USP5: variants seen among roughly 807,000 people sequenced by gnomAD.
USP5 encodes the protein ubiquitin specific peptidase 5.
A neutral mutation model predicts 102.5 loss-of-function variants in USP5; 24 were observed. The observed-to-expected ratio is 0.23, with a 90% CI of 0.17 to 0.33. USP5 has a LOEUF of 0.33. USP5 is among the 10% of genes least tolerant of loss of function. USP5 has a pLI of 1.00. For missense variants in USP5, 753 were observed against 1,122.1 expected, an observed-to-expected ratio of 0.67 and a Z score of 4.70; for synonymous variants, 460 against 434.8, an observed-to-expected ratio of 1.06 and a Z score of -0.72.
rs1217647962 is a variant in USP5, at chr12:6,865,012, G to A, written c.2398+137G>A. Reference sequence around the variant, plus strand: ...CCTCAACGTGGCATCTGAGGGTGGGGTTCTCTGACATGGAGACAGGCTCTG... The same window carrying A: ...CCTCAACGTGGCATCTGAGGGTGGGATTCTCTGACATGGAGACAGGCTCTG... On this transcript the variant is annotated intron_variant, in intron 18 of 19. Coordinates refer to ENST00000229268, the MANE Select transcript of USP5 (RefSeq NM_001098536.2). The A allele has an allele frequency of 2.9e-6, 4 of 1,362,414 alleles. No homozygotes were observed. The African/African-American group carries it at 4.3e-5, about 15-fold the overall frequency. The allele number at this position is 1,362,414 out of a possible 1,614,324, so 84.4% of individuals were successfully genotyped here.
rs1944111827 is a variant in USP5, at chr12:6,856,343, A to G, written c.477A>G (p.Ser159=). 6.2e-7 allele frequency: 1 copy of G among 1,613,802 alleles called. No homozygotes were observed. Among genetic ancestry groups the G allele is most frequent in the African/African-American group, 1.3e-5 (1 of 74,880 alleles). ...TGGAGGCCCTACTGTCGGCCGACTCAGCCTCCCGCAAGCAGGAGGTGCAGG... is the reference window on the plus strand; with the variant it reads ...TGGAGGCCCTACTGTCGGCCGACTCGGCCTCCCGCAAGCAGGAGGTGCAGG... ...SAVEALLSAD[S]ASRKQEVQAW... The change falls in exon 5 of 20, where the codon TCA becomes TCG. Residue 159 remains serine, a synonymous_variant. Transcript: ENST00000229268. This position sits in a 1 kb window ranked among gnomAD's most constrained non-coding sequence, Gnocchi z 5.6.
Position 6,865,148 on chromosome 12 carries a change from C to G in USP5, c.2399-16C>G. 1 of 1,605,112 alleles carries G rather than the reference C, an allele frequency of 6.2e-7. No homozygotes were observed. The highest frequency in any genetic ancestry group is 1.7e-5 in the Admixed American group (1 of 59,956). ...CTCTTCTGTTTCCTTCTCTGACCCC[C>G]TCTCTCCTTTCCTAGAGTATCAGCT... On this transcript the variant is annotated splice_polypyrimidine_tract_variant and intron_variant, in intron 18 of 19. Coordinates refer to ENST00000229268, the MANE Select transcript of USP5 (RefSeq NM_001098536.2).
At position 6,863,238 on chromosome 12, in the gene USP5, A is replaced by G; in HGVS notation, c.1815A>G (p.Thr605=). The part of the protein sequence containing the change: ...EELDISQLRG[T]GLQPGEEELP... Reference sequence around the variant, plus strand: ...TCGACATCTCCCAGTTGAGGGGCACAGGGCTGCAGCCCGGAGAGGAGGAGC... The same window carrying G: ...TCGACATCTCCCAGTTGAGGGGCACGGGGCTGCAGCCCGGAGAGGAGGAGC... The change falls in exon 15 of 20, where the codon ACA becomes ACG. Residue 605 remains threonine (T), a synonymous_variant. Coordinates refer to ENST00000229268, the MANE Select transcript of USP5 (RefSeq NM_001098536.2). The surrounding 1 kb of genome is among the most constrained non-coding windows in gnomAD (Gnocchi z 4.7). 6.2e-7 allele frequency: 1 copy of G among 1,614,134 alleles called. No homozygotes were observed. The highest frequency in any genetic ancestry group is 8.5e-7 in the Non-Finnish European group (1 of 1,180,002).
At position 6,864,095 on chromosome 12, in the gene USP5, C is replaced by A; in HGVS notation, c.2144C>A (p.Ser715Tyr). The A allele has an allele frequency of 6.2e-7, 1 of 1,613,872 alleles. No homozygotes were observed. The highest frequency in any genetic ancestry group is 1.1e-5 in the South Asian group (1 of 91,024). Residue 715 changes from serine to tyrosine, a missense_variant, in exon 17 of 20, where the codon TCC (serine) becomes TAC (tyrosine). Physicochemically the swap from Ser to Tyr is moderately radical, Grantham distance 144 (BLOSUM62 -2). This residue lies in a region of USP5 where 193 missense variants were observed against 230.2 expected (regional missense o/e 0.84). Coordinates refer to ENST00000229268, the MANE Select transcript of USP5 (RefSeq NM_001098536.2). This position sits in a 1 kb window ranked among gnomAD's most constrained non-coding sequence, Gnocchi z 4.8. ...CTGCCTGGCTCTAGTGGGCCGGGCT[C>A]CACAAGCGCAGCAGCCGACCCCCCT... ...LILPGSSGPG[S>Y]TSAAADPPPE...
At position 6,864,131 on chromosome 12, in the gene USP5, G is replaced by C; in HGVS notation, c.2180G>C (p.Cys727Ser). The change falls in exon 17 of 20, where the codon TGT (cysteine) becomes TCT (serine). Residue 727 changes from cysteine (C) to serine (S), a missense_variant. By Grantham distance (112) the Cys-to-Ser change is moderately radical. Transcript: ENST00000229268. The surrounding 1 kb of genome is among the most constrained non-coding windows in gnomAD (Gnocchi z 4.8). ...GCAGCCGACCCCCCTCCTGAGGACT[G>C]TGTGACCACCATTGTCTCCATGGGC... Reference protein sequence around the residue: ...SAAADPPPEDCVTTIVSMGFS... With the variant: ...SAAADPPPEDSVTTIVSMGFS... The C allele has an allele frequency of 6.2e-7, 1 of 1,614,064 alleles. No homozygotes were observed. The highest frequency in any genetic ancestry group is 8.5e-7 in the Non-Finnish European group (1 of 1,179,960).
rs11064431 is a variant in USP5, at chr12:6,854,375, C to G, written c.112-1026C>G. ...TGAGTCCCTAACAAGTCATTGTTCC[C>G]CTGGAAGCCACACTTCAGCAGGAGA... On this transcript the variant is annotated intron_variant, in intron 1 of 19. Transcript: ENST00000229268. 9.9e-3 allele frequency among the ~76,000 whole-genome samples: 1,509 copies of G among 152,120 alleles called. 183 individuals are homozygous for G. In the East Asian group the frequency reaches 0.26, roughly 26 times the overall value.
At position 6,863,737 on chromosome 12, in the gene USP5, G is replaced by C; in HGVS notation, c.1955-93G>C. 6.8e-7 allele frequency: 1 copy of C among 1,473,402 alleles called. No individual in the cohort carries two copies. Among genetic ancestry groups the C allele is most frequent in the East Asian group, 2.4e-5 (1 of 42,132 alleles). 91.3% of individuals were successfully genotyped at this position (1,473,402 alleles called of 1,614,324 possible). A position where few individuals can be genotyped will look rare whatever the true frequency, so the allele number is the denominator to read the frequency against. ...TCCATGGGAGAAAAATGCATGGAAT[G>C]GGTGATTGGAAGAGGGCTGGGTCCT... On this transcript the variant is annotated intron_variant, in intron 15 of 19. Transcript: ENST00000229268. The surrounding 1 kb of genome is among the most constrained non-coding windows in gnomAD (Gnocchi z 4.7).
In USP5 at chr12:6,863,524, CG is replaced by C; in HGVS notation, c.1954+148del. On this transcript the variant is annotated intron_variant, in intron 15 of 19. Transcript: ENST00000229268. This position sits in a 1 kb window ranked among gnomAD's most constrained non-coding sequence, Gnocchi z 4.7. Reference sequence around the variant, plus strand: ...TTTGATTGACATGGGGCCTCCCCAGCGCACTCCTAGCCACCTTCTGGGTGTG... The same window carrying C: ...TTTGATTGACATGGGGCCTCCCCAGCCACTCCTAGCCACCTTCTGGGTGTG... The C allele has an allele frequency of 9.3e-7, 1 of 1,070,638 alleles. No individual in the cohort carries two copies. The allele number at this position is 1,070,638 out of a possible 1,614,324, so 66.3% of individuals were successfully genotyped here.
rs782754552 is a variant in USP5 at position 6,860,386 on chromosome 12, C to T, written c.1239C>T (p.Ala413=). ...PEQKEVQDGI[A]PRMFKALIGK... ...CCCAGGAAGTTCAAGATGGCATTGC[C>T]CCTCGGATGTTCAAGGCCCTCATCG... The change falls in exon 11 of 20, where the codon GCC becomes GCT. Residue 413 remains alanine (A), a synonymous_variant. Coordinates refer to ENST00000229268, the MANE Select transcript of USP5 (RefSeq NM_001098536.2). The surrounding 1 kb of genome is among the most constrained non-coding windows in gnomAD (Gnocchi z 5.5). The T allele has an allele frequency of 6.8e-5, 110 of 1,614,022 alleles. No individual in the cohort carries two copies. The highest frequency in any genetic ancestry group is 8.8e-5 in the Non-Finnish European group (104 of 1,180,020).
At chr12:6,862,234 C>T (rs1267340295) in intron 13 of USP5, among the ~76,000 whole-genome samples, 2 of 152,114 alleles carry the variant, frequency 1.3e-5, no homozygotes, top group Non-Finnish European at 1.5e-5. Flanking sequence ...ATATGAGCCA[C>T]CATGCCTGGG....
At position 6,852,229 on chromosome 12, in the gene USP5, G is replaced by T; in HGVS notation, c.50G>T (p.Arg17Leu). Reference protein sequence around the residue: ...EALLSVLPTIRVPKAGDRVHK... With the variant: ...EALLSVLPTILVPKAGDRVHK... ...CTGCTGTCAGTATTACCGACGATCC[G>T]GGTCCCTAAGGCTGGAGACCGGGTC... Residue 17 changes from arginine (R) to leucine (L), a missense_variant, in exon 1 of 20, where the codon CGG (arginine) becomes CTG (leucine). Arg to Leu is a moderately radical substitution (Grantham distance 102). Around this residue, in one of 3 missense-constraint regions of USP5, gnomAD observed 527 missense variants for 816.5 expected, o/e 0.65. Transcript: ENST00000229268. 1 of 1,613,234 alleles carries T rather than the reference G, an allele frequency of 6.2e-7. No homozygotes were observed.
Position 6,855,860 on chromosome 12 carries a change from G to C in USP5, c.304+39G>C. 1.2e-6 allele frequency: 2 copies of C among 1,613,834 alleles called. No individual in the cohort carries two copies. Among genetic ancestry groups the C allele is most frequent in the Non-Finnish European group, 1.7e-6 (2 of 1,179,800 alleles). On this transcript the variant is annotated intron_variant, in intron 3 of 19. Coordinates refer to ENST00000229268, the MANE Select transcript of USP5 (RefSeq NM_001098536.2). This position sits in a 1 kb window ranked among gnomAD's most constrained non-coding sequence, Gnocchi z 4.6. ...CAGTCCTATTCTTCTCCCTGAGCTG[G>C]TCTTTCTGGCTCTCAGCAGCACCAG...
chr12:6,865,353 T>C lies in USP5; in HGVS notation c.2483+105T>C, dbSNP rs989357163. On this transcript the variant is annotated intron_variant, in intron 19 of 19. Coordinates refer to ENST00000229268, the MANE Select transcript of USP5 (RefSeq NM_001098536.2). ...TATGGGAGAAGGTGAAGGGACTGCC[T>C]GATGGGGACATAAAGTGCCAGAGAG... 2.9e-6 allele frequency: 3 copies of C among 1,025,502 alleles called. No individual in the cohort carries two copies. The African/African-American group carries it at 4.7e-5, about 16-fold the overall frequency. 63.5% of individuals were successfully genotyped at this position (1,025,502 alleles called of 1,614,324 possible). A position where few individuals can be genotyped will look rare whatever the true frequency, so the allele number is the denominator to read the frequency against.
At position 6,855,053 on chromosome 12, in the gene USP5, G is replaced by C. The variant is rs1335846849; in HGVS notation, c.112-348G>C. 6.6e-6 allele frequency among the ~76,000 whole-genome samples: 1 copy of C among 152,240 alleles called. No homozygotes were observed. Among genetic ancestry groups the C allele is most frequent in the South Asian group, 2.1e-4 (1 of 4,822 alleles). On this transcript the variant is annotated intron_variant, in intron 1 of 19. Transcript: ENST00000229268. This position sits in a 1 kb window ranked among gnomAD's most constrained non-coding sequence, Gnocchi z 4.6. ...CTGGATCTGTTAGCCCCAGGATAGA[G>C]GTGAAGGAAGTCCTCTGTGATTGAT...
rs782565022 is a variant in USP5, at chr12:6,860,927, C to A, written c.1345-26C>A. ...CATTCTGTTCCCTGGCTGCCCAGAC[C>A]TCCCTACCCTGCCTCTTTCCCATAG... On this transcript the variant is annotated intron_variant, in intron 11 of 19. Transcript: ENST00000229268. This position sits in a 1 kb window ranked among gnomAD's most constrained non-coding sequence, Gnocchi z 5.5. 20 of 1,612,986 alleles carry A rather than the reference C, an allele frequency of 1.2e-5. 1 individual carries two copies. The Admixed American group carries it at 1.5e-4, about 12-fold the overall frequency.
In USP5 at chr12:6,864,413, G is replaced by C. The variant is rs1477273452; in HGVS notation, c.2244+218G>C. The stretch of plus-strand genomic sequence containing the variant: ...AAAATGTAATGCTTCTGTTTGGCCG[G>C]GCGCGGTGGCTCACGCCTGTAATCC... On this transcript the variant is annotated intron_variant, in intron 17 of 19. Transcript: ENST00000229268. The surrounding 1 kb of genome is among the most constrained non-coding windows in gnomAD (Gnocchi z 4.8). Among the ~76,000 whole-genome samples, 1 of 152,218 alleles carries C rather than the reference G, an allele frequency of 6.6e-6. No individual in the cohort carries two copies. The highest frequency in any genetic ancestry group is 1.5e-5 in the Non-Finnish European group (1 of 68,040).
Position 6,865,321 on chromosome 12 carries a change from G to A in USP5, c.2483+73G>A, listed in dbSNP as rs782099616. ...GAGGAGGGCCATTTGGAAGTCCTTG[G>A]GATAGCTATGGGAGAAGGTGAAGGG... On this transcript the variant is annotated intron_variant, in intron 19 of 19. Transcript: ENST00000229268. The A allele has an allele frequency of 2.0e-5, 27 of 1,375,142 alleles. No homozygotes were observed. The Admixed American group carries it at 3.6e-4, about 18-fold the overall frequency. 85.2% of individuals were successfully genotyped at this position (1,375,142 alleles called of 1,614,324 possible).
Position 6,865,319 on chromosome 12 carries a change from T to TG in USP5, c.2483+74dup. The stretch of plus-strand genomic sequence containing the variant: ...ATGAGGAGGGCCATTTGGAAGTCCT[T>TG]GGGATAGCTATGGGAGAAGGTGAAG... On this transcript the variant is annotated intron_variant, in intron 19 of 19. Transcript: ENST00000229268. 3 of 1,405,076 alleles carry TG rather than the reference T, an allele frequency of 2.1e-6. No individual in the cohort carries two copies. The South Asian group carries it at 3.5e-5, about 16-fold the overall frequency. 87.0% of individuals were successfully genotyped at this position (1,405,076 alleles called of 1,614,324 possible). A position where few individuals can be genotyped will look rare whatever the true frequency, so the allele number is the denominator to read the frequency against.
At chr12:6,862,399 C>T (rs782036728) in intron 13 of USP5, 71 bp from the exon 14 acceptor site, 10 of 1,371,560 alleles carry the variant, frequency 7.3e-6, no homozygotes, top group African/African-American at 1.4e-5. Context: ...GGGGCTGAAC[C>T]CCAGGTGGGA....
Sources: allele counts gnomAD v4.1 joint callset (sites outside exome capture counted in the v4.1 genomes callset), GRCh38; gene constraint gnomAD v4.1.1; regional missense constraint gnomAD v4.1.1; non-coding constraint Gnocchi (gnomAD v3.1); transcripts MANE v1.5; gene names NCBI Gene and HGNC (gene_info 2026-07-23, HGNC 2026-07-21).